Variants in HS3ST5 observed in about 807,000 individuals in gnomAD.
HS3ST5 encodes heparan sulfate glucosamine 3-O-sulfotransferase 5.
HS3ST5 carries 10 observed loss-of-function variants against 25.4 expected under a neutral mutation model. The ratio of observed to expected loss-of-function variants is 0.39; its 90% CI spans 0.24 to 0.67. HS3ST5 has a LOEUF of 0.67. Ranked by LOEUF, HS3ST5 falls within the 30% of genes least tolerant of loss-of-function variation. The pLI, the probability that HS3ST5 is intolerant of heterozygous loss-of-function variation, is 0.44. For missense variants in HS3ST5, 324 were observed against 420.7 expected (o/e 0.77, Z 2.01); for synonymous variants, 170 against 162.4 (o/e 1.05, Z -0.36).
rs547952785 is a variant in HS3ST5, at chr6:114,221,002, T to C, written c.-145+7583A>G. ...TAGAGTCAATTACAAAAAAACATAC[T>C]AGGTTGGGATTTAAAAGAATAGGTT... On this transcript the variant is annotated intron_variant, in intron 2 of 4. Coordinates refer to ENST00000312719, the MANE Select transcript of HS3ST5 (RefSeq NM_153612.4). Among the ~76,000 whole-genome samples, 6 of 152,150 alleles carry C rather than the reference T, an allele frequency of 3.9e-5. No individual in the cohort carries two copies. In the East Asian group the frequency reaches 9.6e-4, roughly 24 times the overall value.
At chr6:114,077,649 A>T (rs1774216439) in intron 3 of HS3ST5, among the ~76,000 whole-genome samples, 1 of 152,180 alleles carries the variant, frequency 6.6e-6, no homozygotes, top group African/African-American at 2.4e-5. Context: ...CATGTAGCAA[A>T]TATCAGTTTT....
chr6:114,209,306 A>G (rs1781409040), intron 2 of HS3ST5, among the ~76,000 whole-genome samples: 1 of 151,962 alleles, frequency 6.6e-6, no homozygotes, highest in South Asian at 2.1e-4. Context: ...ATTTTTAAAA[A>G]ATGTGCATTT....
chr6:114,216,758 A>G (rs572410109), intron 2 of HS3ST5, among the ~76,000 whole-genome samples: 157 of 151,678 alleles, frequency 1.0e-3, no homozygotes, highest in African/African-American at 3.7e-3. Context: ...AAAGGAAAAG[A>G]AAACTGAAAG....
intron 3 of HS3ST5, among the ~76,000 whole-genome samples, chr6:114,076,874 A>G (rs1426858333): frequency 2.6e-5 from 4 of 152,230 alleles, no homozygotes; most frequent in Non-Finnish European, 5.9e-5. Flanking sequence ...TGTATCAGTC[A>G]GGATGCTCAT....
intron 2 of HS3ST5, among the ~76,000 whole-genome samples, chr6:114,219,322 C>A (rs1337002185): frequency 6.6e-6 from 1 of 152,156 alleles, no homozygotes; most frequent in African/African-American, 2.4e-5. Context: ...ACTCTTGGAC[C>A]ATATAGGTTT....
intron 3 of HS3ST5, among the ~76,000 whole-genome samples, chr6:114,135,795 C>T (rs937057489): frequency 6.6e-6 from 1 of 152,216 alleles, no homozygotes; most frequent in Non-Finnish European, 1.5e-5. Context: ...TCTTCCCCAG[C>T]CACCCTAATG....
intron 3 of HS3ST5, among the ~76,000 whole-genome samples, chr6:114,155,873 T>G (rs888280402): frequency 6.6e-6 from 1 of 152,096 alleles, no homozygotes; most frequent in African/African-American, 2.4e-5. Flanking sequence ...CCCCCTAAAC[T>G]AATTTGCTAG....
intron 1 of HS3ST5, among the ~76,000 whole-genome samples, chr6:114,271,164 T>C (rs577457929): frequency 1.3e-5 from 2 of 152,232 alleles, no homozygotes; most frequent in African/African-American, 4.8e-5. Context: ...ACAAAGTTCT[T>C]TGTAGTAGTT....
At chr6:114,106,398 A>G (rs555622173) in intron 3 of HS3ST5, among the ~76,000 whole-genome samples, 1 of 152,234 alleles carries the variant, frequency 6.6e-6, no homozygotes, top group South Asian at 2.1e-4. Context: ...CCTTGATTTG[A>G]ATTGAACAAA....
chr6:114,100,520 C>T (rs1775671354), intron 3 of HS3ST5, among the ~76,000 whole-genome samples: 1 of 152,170 alleles, frequency 6.6e-6, no homozygotes, highest in African/African-American at 2.4e-5. Flanking sequence ...AATCAATAGG[C>T]AGCTTTTAAC....
At chr6:114,112,714 C>T (rs1405463343) in intron 3 of HS3ST5, among the ~76,000 whole-genome samples, 2 of 152,148 alleles carry the variant, frequency 1.3e-5, no homozygotes, top group African/African-American at 4.8e-5. Flanking sequence ...CCACACTTCT[C>T]CTTCTCCTCC....
intron 1 of HS3ST5, among the ~76,000 whole-genome samples, chr6:114,283,600 A>T (rs1412776276): frequency 1.3e-5 from 2 of 151,744 alleles, no homozygotes; most frequent in African/African-American, 4.9e-5. Context: ...ATGTTTGCTT[A>T]CAAAAATAAG....
At position 114,243,146 on chromosome 6, in the gene HS3ST5, G is replaced by A. The variant is rs141065093; in HGVS notation, c.-338-14368C>T. On this transcript the variant is annotated intron_variant, in intron 1 of 4. Transcript: ENST00000312719. Reference sequence around the variant, plus strand: ...TGACCTCATCCACAGAAGCAAACCAGCTAAGATCATCATAACTCCTCAGCC... The same window carrying A: ...TGACCTCATCCACAGAAGCAAACCAACTAAGATCATCATAACTCCTCAGCC... Among the ~76,000 whole-genome samples the A allele has an allele frequency of 7.9e-5, 12 of 152,276 alleles. No individual in the cohort carries two copies. In the East Asian group the frequency reaches 2.3e-3, roughly 29 times the overall value.
intron 1 of HS3ST5, among the ~76,000 whole-genome samples, chr6:114,248,361 T>C (rs894511375): frequency 2.0e-5 from 3 of 151,676 alleles, no homozygotes; most frequent in African/African-American, 4.8e-5. Flanking sequence ...AATACAATAT[T>C]ATGAAAGATT....
rs564033624 is a variant in HS3ST5 at position 114,187,592 on chromosome 6, T to C, written c.-144-19130A>G. On this transcript the variant is annotated intron_variant, in intron 2 of 4. Transcript: ENST00000312719. ...AGAAAGTGGATTTTTGAGATGAAAT[T>C]TGCTCTTGCTGAAGATGCTGTGAAC... 2.0e-5 allele frequency among the ~76,000 whole-genome samples: 3 copies of C among 152,294 alleles called. No homozygotes were observed. The East Asian group carries it at 5.8e-4, about 29-fold the overall frequency.
chr6:114,316,816 G>C (rs549727246), intron 1 of HS3ST5, among the ~76,000 whole-genome samples: 234 of 152,244 alleles, frequency 1.5e-3, no homozygotes, highest in African/African-American at 5.3e-3. Context: ...CTATATTTTA[G>C]ATAAGATTAA....
chr6:114,137,789 C>T (rs1157682508), intron 3 of HS3ST5, among the ~76,000 whole-genome samples: 1 of 152,178 alleles, frequency 6.6e-6, no homozygotes, highest in Non-Finnish European at 1.5e-5. Context: ...TCCACTCTTC[C>T]CATTTCCTGC....
intron 3 of HS3ST5, among the ~76,000 whole-genome samples, chr6:114,138,869 C>T (rs555754336): frequency 5.9e-5 from 9 of 152,238 alleles, no homozygotes; most frequent in South Asian, 4.1e-4. Flanking sequence ...GTCTGGTGAG[C>T]GCTTGCTTCC....
At chr6:114,088,631 GCA>G (rs1463068145) in intron 3 of HS3ST5, among the ~76,000 whole-genome samples, 1 of 151,998 alleles carries the variant, frequency 6.6e-6, no homozygotes, top group Non-Finnish European at 1.5e-5. Context: ...TTCACAAATA[GCA>G]CAGTGACTTC....
Sources: allele counts gnomAD v4.1 joint callset (sites outside exome capture counted in the v4.1 genomes callset), GRCh38; gene constraint gnomAD v4.1.1; transcripts MANE v1.5; gene names NCBI Gene and HGNC (gene_info 2026-07-23, HGNC 2026-07-21).